Variants in EXOC4 observed in about 807,000 individuals in gnomAD.
EXOC4 encodes exocyst complex component 4, also known as SEC8-like 1.
In EXOC4, 71 loss-of-function variants were observed where a neutral mutation model predicts 107.2. That is an observed-to-expected ratio of 0.66 (90% CI 0.55 to 0.81). The LOEUF is 0.81. Ranked by LOEUF, EXOC4 falls within the 30% of genes least tolerant of loss-of-function variation. The probability of loss-of-function intolerance (pLI) is 0.00; values close to 1 mark genes in which losing one functional copy is unlikely to be tolerated. For synonymous variants in EXOC4, 456 were observed against 441.2 expected, an observed-to-expected ratio of 1.03 and a Z score of -0.42; for missense variants, 1,108 against 1,189.6, an observed-to-expected ratio of 0.93 and a Z score of 1.01.
At chr7:133,620,488 A>T (rs12539107) in intron 9 of EXOC4, among the ~76,000 whole-genome samples, 7,563 of 152,276 alleles carry the variant, frequency 0.05, 324 homozygotes, top group Admixed American at 0.1. Flanking sequence ...TGAAACATAC[A>T]TCCACACAAA....
chr7:133,477,004 A>G (rs1178627522), intron 8 of EXOC4, among the ~76,000 whole-genome samples: 2 of 152,208 alleles, frequency 1.3e-5, no homozygotes, highest in African/African-American at 4.8e-5. Flanking sequence ...TTTAAAAAAC[A>G]TATAGACTTT....
chr7:133,292,785 C>T (rs542686908), intron 3 of EXOC4, among the ~76,000 whole-genome samples: 1 of 152,190 alleles, frequency 6.6e-6, no homozygotes, highest in East Asian at 1.9e-4. Flanking sequence ...TTTTTGTCTG[C>T]CCTGTTCCCA....
At chr7:133,398,617 G>A (rs961594483) in intron 7 of EXOC4, among the ~76,000 whole-genome samples, 2 of 152,142 alleles carry the variant, frequency 1.3e-5, no homozygotes, top group African/African-American at 4.8e-5. Flanking sequence ...GCACTTCTCA[G>A]TAATCCTTTC....
At chr7:133,465,024 T>C (rs1477661640) in intron 7 of EXOC4, among the ~76,000 whole-genome samples, 1 of 151,812 alleles carries the variant, frequency 6.6e-6, no homozygotes, top group Non-Finnish European at 1.5e-5. Flanking sequence ...TCACTGCTGT[T>C]ACCCAGGCTG....
intron 10 of EXOC4, among the ~76,000 whole-genome samples, chr7:133,775,004 A>G (rs186895210): frequency 6.6e-6 from 1 of 152,258 alleles, no homozygotes; most frequent in African/African-American, 2.4e-5. Flanking sequence ...GGGCAGTGGA[A>G]TAGAGCACTG....
intron 3 of EXOC4, among the ~76,000 whole-genome samples, chr7:133,299,734 CCCTT>C (rs1794601670): frequency 6.6e-6 from 1 of 152,148 alleles, no homozygotes; most frequent in Admixed American, 6.5e-5. Flanking sequence ...AGGCCCCCCT[CCCTT>C]CATTCACTTA....
At chr7:133,540,185 A>G (rs1184980240) in intron 9 of EXOC4, among the ~76,000 whole-genome samples, 1 of 152,200 alleles carries the variant, frequency 6.6e-6, no homozygotes, top group African/African-American at 2.4e-5. Flanking sequence ...CTGCTTCACT[A>G]ATGCAATTGC....
intron 10 of EXOC4, among the ~76,000 whole-genome samples, chr7:133,693,042 T>G (rs889752838): frequency 3.3e-5 from 5 of 152,110 alleles, no homozygotes; most frequent in Non-Finnish European, 5.9e-5. Context: ...GGGACAGAAC[T>G]GATAGGATAG....
intron 5 of EXOC4, among the ~76,000 whole-genome samples, chr7:133,322,222 A>C (rs931287444): frequency 4.6e-5 from 7 of 152,070 alleles, no homozygotes; most frequent in African/African-American, 1.7e-4. Flanking sequence ...TCTTTAGTTT[A>C]ATTAGATCCC....
intron 10 of EXOC4, among the ~76,000 whole-genome samples, chr7:133,798,013 TG>T (rs1179512448): frequency 1.3e-5 from 2 of 152,184 alleles, no homozygotes; most frequent in Non-Finnish European, 2.9e-5. Flanking sequence ...ATGTATGTGC[TG>T]GCACCCTACT....
At chr7:134,078,176 A>G in the EXOC4 span, among the ~76,000 whole-genome samples, 2 of 151,770 alleles carry the variant, frequency 1.3e-5, no homozygotes, top group East Asian at 1.9e-4. Flanking sequence ...CTTTTGCTTT[A>G]CCCCCCTTTT....
chr7:133,459,216 G>A (rs1177012325), intron 7 of EXOC4, among the ~76,000 whole-genome samples: 2 of 152,130 alleles, frequency 1.3e-5, no homozygotes, highest in African/African-American at 4.8e-5. Context: ...TTGCTTTATG[G>A]TGTGAGCTTG....
chr7:134,058,932 A>G (rs1795992226), intron 17 of EXOC4, among the ~76,000 whole-genome samples: 1 of 152,170 alleles, frequency 6.6e-6, no homozygotes, highest in Non-Finnish European at 1.5e-5. Context: ...AAAGGATTGA[A>G]ATGCACCTAA....
chr7:134,076,966 G>C, the EXOC4 span, among the ~76,000 whole-genome samples: 6 of 149,972 alleles, frequency 4.0e-5, no homozygotes, highest in African/African-American at 1.5e-4. Context: ...ATATGTGTGT[G>C]TGTGTGTATA....
At chr7:134,014,229 C>G (rs901034337) in intron 17 of EXOC4, among the ~76,000 whole-genome samples, 4 of 152,104 alleles carry the variant, frequency 2.6e-5, no homozygotes, top group African/African-American at 9.7e-5. Context: ...CGATAAAACC[C>G]TGTCTCTACT....
chr7:133,365,018 T>C (rs890376088), intron 6 of EXOC4, among the ~76,000 whole-genome samples: 1 of 152,140 alleles, frequency 6.6e-6, no homozygotes, highest in Non-Finnish European at 1.5e-5. Context: ...GTACTAAATA[T>C]CCATTTTCCT....
intron 17 of EXOC4, among the ~76,000 whole-genome samples, chr7:134,059,822 G>T (rs759397632): frequency 6.6e-6 from 1 of 152,118 alleles, no homozygotes; most frequent in Non-Finnish European, 1.5e-5. Flanking sequence ...GAAATTATGA[G>T]AAATCTTTCT....
At chr7:133,941,849 C>CTCTCTCTCTCTCTCTCTCTCTG (rs1800438166) in intron 14 of EXOC4, among the ~76,000 whole-genome samples, 2 of 151,886 alleles carry the variant, frequency 1.3e-5, no homozygotes, top group Non-Finnish European at 2.9e-5. Context: ...CTCTCTCTCT[C>CTCTCTCTCTCTCTCTCTCTCTG]TCGGATCTAA....
At chr7:133,783,964 A>G (rs1796517606) in intron 10 of EXOC4, among the ~76,000 whole-genome samples, 1 of 152,140 alleles carries the variant, frequency 6.6e-6, no homozygotes, top group Non-Finnish European at 1.5e-5. Flanking sequence ...TATGCATGTA[A>G]TATATTATAT....
Sources: gnomAD v4.1 joint callset for allele counts (sites outside exome capture counted in the v4.1 genomes callset) on GRCh38, gnomAD v4.1.1 for gene constraint, MANE v1.5 for transcripts, NCBI Gene and HGNC (gene_info 2026-07-23, HGNC 2026-07-21) for gene names.